MTA3: variants seen among roughly 807,000 people sequenced by gnomAD.
The protein encoded by MTA3 is metastasis associated 1 family member 3, also known as metastasis-associated protein MTA3.
A neutral mutation model predicts 83.5 loss-of-function variants in MTA3; 34 were observed. That is an observed-to-expected ratio of 0.41 (90% CI 0.31 to 0.54). The LOEUF is 0.54. Among genes scored for constraint, MTA3 ranks in the 20% least tolerant of loss-of-function variants. The pLI is 0.33. For missense variants in MTA3, 761 were observed against 726.4 expected (o/e 1.05, Z -0.55); for synonymous variants, 303 against 252.7 (o/e 1.20, Z -1.89).
Position 42,552,623 on chromosome 2 carries a change from C to CA in MTA3, c.-140-17798dup, listed in dbSNP as rs536783114. 5.6e-3 allele frequency among the ~76,000 whole-genome samples: 494 copies of CA among 88,242 alleles called. 2 individuals carry two copies. Among genetic ancestry groups the CA allele is most frequent in the Middle Eastern group, 0.021 (3 of 142 alleles). 57.9% of individuals were successfully genotyped at this position (88,242 alleles called of 152,430 possible). A position where few individuals can be genotyped will look rare whatever the true frequency, so the allele number is the denominator to read the frequency against. ...TGGGTGATGGAAGAGACTCCTTGTC[C>CA]AAAAAAAAAAAAAAAAGAAGAAGAA... On this transcript the variant is annotated intron_variant, in intron 2 of 17. Transcript: ENST00000405592.
intron 4 of MTA3, among the ~76,000 whole-genome samples, chr2:42,631,298 C>T (rs1686648712): frequency 6.6e-6 from 1 of 152,192 alleles, no homozygotes; most frequent in Non-Finnish European, 1.5e-5. Context: ...AATCCTGTCA[C>T]AGCTTAACAT....
In MTA3 at chr2:42,754,013, C is replaced by G. The variant is rs534660882; in HGVS notation, c.*614C>G. ...GCATTCCTATATGTGACCCTCCCTC[C>G]TACTCCTCCAAGGAACAGAATTACC... On this transcript the variant is annotated 3_prime_UTR_variant, in exon 17 of 17. Transcript: ENST00000405094. 5.5e-5 allele frequency: 54 copies of G among 985,452 alleles called. No individual in the cohort carries two copies. The African/African-American group carries it at 8.5e-4, about 16-fold the overall frequency. The allele number at this position is 985,452 out of a possible 1,614,324, so 61.0% of individuals were successfully genotyped here.
chr2:42,586,308 G>C (rs1243245558), intron 3 of MTA3, among the ~76,000 whole-genome samples: 1 of 151,168 alleles, frequency 6.6e-6, no homozygotes, highest in Non-Finnish European at 1.5e-5. Context: ...ATTTAGGCCA[G>C]GGGCAGTGGC....
At chr2:42,747,508 G>C (rs148920959) in intron 16 of MTA3, among the ~76,000 whole-genome samples, 4 of 152,072 alleles carry the variant, frequency 2.6e-5, no homozygotes, top group African/African-American at 7.2e-5. Context: ...CAGGTGAAAG[G>C]GGGGCAGGAG....
chr2:42,743,717 A>C (rs1304753909), intron 16 of MTA3, among the ~76,000 whole-genome samples: 3 of 152,156 alleles, frequency 2.0e-5, no homozygotes, highest in African/African-American at 7.2e-5. Context: ...TGATGGCTTG[A>C]GTCTGAAATC....
intron 6 of MTA3, among the ~76,000 whole-genome samples, chr2:42,647,521 C>T (rs559262356): frequency 1.4e-4 from 21 of 151,008 alleles, no homozygotes; most frequent in Middle Eastern, 3.4e-3. Flanking sequence ...GCCATCCCCC[C>T]ACCCCACCTG....
intron 16 of MTA3, among the ~76,000 whole-genome samples, chr2:42,733,004 T>C (rs1668341060): frequency 6.6e-6 from 1 of 152,198 alleles, no homozygotes; most frequent in Non-Finnish European, 1.5e-5. Context: ...AGTTCCAAAC[T>C]TTCCCACATT....
rs190150914 is a variant in MTA3 at position 42,747,955 on chromosome 2, A to T, written c.1760-5419A>T. Among the ~76,000 whole-genome samples, 1,476 of 150,910 alleles carry T rather than the reference A, an allele frequency of 9.8e-3. 20 individuals carry two copies. Among genetic ancestry groups the T allele is most frequent in the African/African-American group, 0.034 (1,415 of 41,036 alleles). ...TATAATCCTCCCACCTGCCCTCCCC[A>T]TCTCCCCCACCTCACCCCCAGGTGA... On this transcript the variant is annotated intron_variant, in intron 16 of 16. Coordinates refer to ENST00000405094, the MANE Select transcript of MTA3 (RefSeq NM_001330442.2).
intron 2 of MTA3, among the ~76,000 whole-genome samples, chr2:42,555,941 G>A (rs1677366876): frequency 6.9e-6 from 1 of 144,740 alleles, no homozygotes. Context: ...ACATGGTGGT[G>A]GGCGCCTGTA....
At chr2:42,715,408 T>TAA (rs1201181299) in intron 14 of MTA3, among the ~76,000 whole-genome samples, 2 of 19,284 alleles carry the variant, frequency 1.0e-4, no homozygotes, top group African/African-American at 3.4e-3. Context: ...ACCAACTACT[T>TAA]TTTTTTTTTT....
intron 2 of MTA3, among the ~76,000 whole-genome samples, chr2:42,503,921 CTTT>C (rs34028665): frequency 1.1e-4 from 12 of 111,256 alleles, no homozygotes; most frequent in African/African-American, 3.4e-4. Flanking sequence ...GAACCACATT[CTTT>C]TTTTTTTTTT....
At position 42,601,639 on chromosome 2, in the gene MTA3, C is replaced by T. The variant is rs374297586; in HGVS notation, c.191-7819C>T. 1.4e-4 allele frequency among the ~76,000 whole-genome samples: 22 copies of T among 152,334 alleles called. No individual in the cohort carries two copies. The East Asian group carries it at 2.3e-3, about 16-fold the overall frequency. ...CCAGGCTCAAGGGATTCTCCCACCT[C>T]GGCCTCCTGAGTAGCTGGGATTCCA... On this transcript the variant is annotated intron_variant, in intron 3 of 16. Transcript: ENST00000405094.
intron 9 of MTA3, among the ~76,000 whole-genome samples, chr2:42,694,893 C>G (rs1394710288): frequency 6.6e-6 from 1 of 152,106 alleles, no homozygotes; most frequent in Non-Finnish European, 1.5e-5. Context: ...GATCCTAGGA[C>G]TTTGGGAGGC....
chr2:42,517,924 G>A (rs1474827930), intron 2 of MTA3, among the ~76,000 whole-genome samples: 6 of 150,944 alleles, frequency 4.0e-5, no homozygotes, highest in African/African-American at 7.3e-5. Context: ...GGTGGCTCAC[G>A]CCTGTAATCC....
chr2:42,714,956 G>A (rs191212020), intron 14 of MTA3, among the ~76,000 whole-genome samples: 1 of 152,296 alleles, frequency 6.6e-6, no homozygotes, highest in Non-Finnish European at 1.5e-5. Context: ...GTACTGGTCT[G>A]AGGCCTGGGG....
chr2:42,660,455 C>A (rs1245460251), intron 8 of MTA3, among the ~76,000 whole-genome samples: 1 of 152,080 alleles, frequency 6.6e-6, no homozygotes, highest in African/African-American at 2.4e-5. Flanking sequence ...TTACTTTTTT[C>A]TTTCGGTGAT....
chr2:42,699,474 A>C (rs1693671858), intron 11 of MTA3, among the ~76,000 whole-genome samples: 1 of 152,232 alleles, frequency 6.6e-6, no homozygotes, highest in Non-Finnish European at 1.5e-5. Context: ...TAGCACTTTA[A>C]GATCACCTGC....
At chr2:42,630,320 A>C (rs1320433075) in intron 4 of MTA3, among the ~76,000 whole-genome samples, 1 of 152,140 alleles carries the variant, frequency 6.6e-6, no homozygotes, top group African/African-American at 2.4e-5. Flanking sequence ...CCTTGTGGGG[A>C]CAGTTTCAGT....
chr2:42,670,361 A>G (rs1486431709), intron 8 of MTA3, among the ~76,000 whole-genome samples: 2 of 152,174 alleles, frequency 1.3e-5, no homozygotes, highest in South Asian at 4.1e-4. Context: ...AGTTGTTACC[A>G]TCTTTACCAC....
Sources: gnomAD v4.1 joint callset for allele counts (sites outside exome capture counted in the v4.1 genomes callset) on GRCh38, gnomAD v4.1.1 for gene constraint, MANE v1.5 for transcripts, NCBI Gene and HGNC (gene_info 2026-07-23, HGNC 2026-07-21) for gene names.